Variants in ADAMTSL1 observed in about 807,000 individuals in gnomAD.
The protein encoded by ADAMTSL1 is ADAMTS like 1, also known as ADAMTS-like protein 1.
In ADAMTSL1, 126 loss-of-function variants were observed where a neutral mutation model predicts 201.8. The ratio of observed to expected loss-of-function variants is 0.62; its 90% CI spans 0.54 to 0.72. The LOEUF is 0.72. Ranked by LOEUF, ADAMTSL1 falls within the 30% of genes least tolerant of loss-of-function variation. ADAMTSL1 has a pLI of 0.00. For synonymous variants in ADAMTSL1, 1,121 were observed against 903.4 expected (o/e 1.24, Z -4.32); for missense variants, 2,679 against 2,277.8 (o/e 1.18, Z -3.59).
chr9:18,652,385 G>GA lies in ADAMTSL1; in HGVS notation c.835-5245dup, dbSNP rs374812767. Among the ~76,000 whole-genome samples the GA allele has an allele frequency of 5.4e-3, 709 of 131,986 alleles. 6 individuals are homozygous for GA. The highest frequency in any genetic ancestry group is 0.011 in the African/African-American group (410 of 36,286). The allele number at this position is 131,986 out of a possible 152,430, so 86.6% of individuals were successfully genotyped here. A position where few individuals can be genotyped will look rare whatever the true frequency, so the allele number is the denominator to read the frequency against. On this transcript the variant is annotated intron_variant, in intron 7 of 28. Coordinates refer to ENST00000380548, the MANE Select transcript of ADAMTSL1 (RefSeq NM_001040272.6). ...CATCTCAAAAAAAAAAAAAAAAAAG[G>GA]AAAAAAAAAGAAAGCCTTTGTGATA...
At chr9:18,906,612 G>A in intron 27 of ADAMTSL1, 80 bp from the exon 28 acceptor site, 1 of 1,200,474 alleles carries the variant, frequency 8.3e-7, no homozygotes, top group Admixed American at 2.9e-5. Flanking sequence ...ACATTTCTGA[G>A]TTTGCAGCAC....
intron 2 of ADAMTSL1, among the ~76,000 whole-genome samples, chr9:18,178,901 A>G (rs1361970497): frequency 6.6e-6 from 1 of 151,888 alleles, no homozygotes; most frequent in Non-Finnish European, 1.5e-5. Context: ...AAAGACCAAA[A>G]GTAGATAAAA....
At chr9:18,802,373 T>C (rs1822856523) in intron 20 of ADAMTSL1, among the ~76,000 whole-genome samples, 1 of 152,194 alleles carries the variant, frequency 6.6e-6, no homozygotes, top group African/African-American at 2.4e-5. Context: ...TACTACTCCC[T>C]AATCCTCCCA....
intron 1 of ADAMTSL1, among the ~76,000 whole-genome samples, chr9:17,923,221 T>C (rs1467482386): frequency 6.6e-6 from 1 of 150,980 alleles, no homozygotes; most frequent in African/African-American, 2.4e-5. Context: ...AATCTGTAAA[T>C]TACCTTGGGC....
intron 1 of ADAMTSL1, among the ~76,000 whole-genome samples, chr9:18,145,452 A>G (rs1826599520): frequency 6.6e-6 from 1 of 152,196 alleles, no homozygotes; most frequent in Non-Finnish European, 1.5e-5. Context: ...TGTTAGTTTT[A>G]TTAATCCATT....
chr9:18,338,429 G>T (rs1465841311), intron 2 of ADAMTSL1, among the ~76,000 whole-genome samples: 2 of 151,750 alleles, frequency 1.3e-5, no homozygotes, highest in Non-Finnish European at 1.5e-5. Flanking sequence ...TTATGTAACT[G>T]ATTATCCCCT....
At chr9:18,847,723 G>A (rs567915228) in intron 23 of ADAMTSL1, among the ~76,000 whole-genome samples, 21 of 152,318 alleles carry the variant, frequency 1.4e-4, no homozygotes, top group South Asian at 1.0e-3. Context: ...TGCATGAAAC[G>A]TGCATGCCTA....
At chr9:17,950,285 G>C (rs1319366969) in intron 1 of ADAMTSL1, among the ~76,000 whole-genome samples, 1 of 151,940 alleles carries the variant, frequency 6.6e-6, no homozygotes. Flanking sequence ...GTATTTTACA[G>C]TGCAATAGTA....
intron 2 of ADAMTSL1, among the ~76,000 whole-genome samples, chr9:18,283,931 G>GAAGAAGAAAAA (rs1832894423): frequency 3.1e-5 from 2 of 64,870 alleles, no homozygotes; most frequent in Admixed American, 2.2e-4. Flanking sequence ...AAAAAAAAAA[G>GAAGAAGAAAAA]AAGAAGAAGA....
intron 2 of ADAMTSL1, among the ~76,000 whole-genome samples, chr9:18,331,438 C>T (rs567700598): frequency 6.6e-6 from 1 of 152,270 alleles, no homozygotes; most frequent in South Asian, 2.1e-4. Flanking sequence ...CCTGGATATA[C>T]TGCAGGGTAA....
At chr9:18,126,680 T>A (rs10756935) in intron 1 of ADAMTSL1, among the ~76,000 whole-genome samples, 104,405 of 151,662 alleles carry the variant, frequency 0.69, 37,064 homozygotes, top group Admixed American at 0.77. Context: ...AAAGCAGTGG[T>A]CGTTTGGCAC....
intron 4 of ADAMTSL1, among the ~76,000 whole-genome samples, chr9:18,574,767 G>A (rs762182943): frequency 2.0e-5 from 3 of 152,150 alleles, no homozygotes; most frequent in Non-Finnish European, 4.4e-5. Flanking sequence ...AGAAAGTCAT[G>A]GAAGAGCCAG....
chr9:17,970,572 G>A (rs1818167231), intron 1 of ADAMTSL1, among the ~76,000 whole-genome samples: 1 of 152,012 alleles, frequency 6.6e-6, no homozygotes, highest in Non-Finnish European at 1.5e-5. Flanking sequence ...GGCTGCCACA[G>A]TGGCTTCCCT....
At chr9:18,286,839 T>C (rs1833010148) in intron 2 of ADAMTSL1, among the ~76,000 whole-genome samples, 1 of 152,190 alleles carries the variant, frequency 6.6e-6, no homozygotes, top group South Asian at 2.1e-4. Context: ...GATTTTGTGT[T>C]TATGTTATAA....
At chr9:18,444,212 A>G (rs761497405) in intron 2 of ADAMTSL1, among the ~76,000 whole-genome samples, 17 of 152,194 alleles carry the variant, frequency 1.1e-4, no homozygotes, top group South Asian at 2.1e-4. Flanking sequence ...GCAGTGAATG[A>G]GAAAAGAAAA....
intron 1 of ADAMTSL1, among the ~76,000 whole-genome samples, chr9:17,994,571 A>G (rs1195674947): frequency 2.0e-5 from 3 of 152,214 alleles, no homozygotes; most frequent in South Asian, 2.1e-4. Context: ...TTCTGTGAAC[A>G]TAACAGAATT....
chr9:18,565,183 C>T (rs567002682), intron 3 of ADAMTSL1, among the ~76,000 whole-genome samples: 1 of 152,264 alleles, frequency 6.6e-6, no homozygotes, highest in African/African-American at 2.4e-5. Flanking sequence ...ATGTCTGGAC[C>T]TGAATGAAGA....
rs991707393 is a variant in ADAMTSL1 at position 17,910,241 on chromosome 9, T to G, written c.87+3319T>G. Among the ~76,000 whole-genome samples the G allele has an allele frequency of 5.8e-5, 4 of 69,010 alleles. 1 individual carries two copies. Among genetic ancestry groups the G allele is most frequent in the African/African-American group, 1.2e-4 (4 of 34,212 alleles). The allele number at this position is 69,010 out of a possible 152,430, so 45.3% of individuals were successfully genotyped here. A position where few individuals can be genotyped will look rare whatever the true frequency, so the allele number is the denominator to read the frequency against. Reference sequence around the variant, plus strand: ...ACATCTGAACCAAATTAAGACATCTTTCGTCTTATTTTTAAATATCCACAA... The same window carrying G: ...ACATCTGAACCAAATTAAGACATCTGTCGTCTTATTTTTAAATATCCACAA... On this transcript the variant is annotated intron_variant, in intron 1 of 29. Transcript: ENST00000680146.
chr9:18,846,227 G>A (rs1273725168), intron 23 of ADAMTSL1, among the ~76,000 whole-genome samples: 1 of 152,206 alleles, frequency 6.6e-6, no homozygotes, highest in African/African-American at 2.4e-5. Flanking sequence ...TGTGATTCCA[G>A]TGGGGGCACT....
Sources: allele counts gnomAD v4.1 joint callset (sites outside exome capture counted in the v4.1 genomes callset), GRCh38; gene constraint gnomAD v4.1.1; transcripts MANE v1.5; gene names NCBI Gene and HGNC (gene_info 2026-07-23, HGNC 2026-07-21).